The following SLC24A2 variants were observed in gnomAD, a reference collection of about 807,000 sequenced individuals.
The protein encoded by SLC24A2 is solute carrier family 24 member 2.
Under a neutral mutation model 62.0 loss-of-function variants are expected in SLC24A2, and 36 were observed. That is an observed-to-expected ratio of 0.58 (90% CI 0.44 to 0.77). The LOEUF (loss-of-function observed/expected upper bound fraction) is 0.77, where lower values mean the gene tolerates loss of function less well. Among genes scored for constraint, SLC24A2 ranks in the 30% least tolerant of loss-of-function variants. The pLI, the probability that SLC24A2 is intolerant of heterozygous loss-of-function variation, is 0.00. For synonymous variants in SLC24A2, 358 were observed against 294.0 expected, an observed-to-expected ratio of 1.22 and a Z score of -2.23; for missense variants, 846 against 817.9, an observed-to-expected ratio of 1.03 and a Z score of -0.42.
the SLC24A2 span, among the ~76,000 whole-genome samples, chr9:20,072,100 C>T: frequency 6.6e-6 from 1 of 152,098 alleles, no homozygotes; most frequent in African/African-American, 2.4e-5. Flanking sequence ...GCTAAGCTCT[C>T]TGGAAGCTTC....
At chr9:20,198,739 T>TA in the SLC24A2 span, among the ~76,000 whole-genome samples, 1 of 145,886 alleles carries the variant, frequency 6.9e-6, no homozygotes, top group South Asian at 2.3e-4. Context: ...TGCCAATACC[T>TA]AGATACTTAG....
the SLC24A2 span, among the ~76,000 whole-genome samples, chr9:20,089,350 G>C: frequency 2.6e-5 from 4 of 152,094 alleles, no homozygotes; most frequent in African/African-American, 9.7e-5. Context: ...GCCTCTGTCT[G>C]ATCACCACAG....
At chr9:19,851,824 A>C in the SLC24A2 span, among the ~76,000 whole-genome samples, 1 of 152,206 alleles carries the variant, frequency 6.6e-6, no homozygotes, top group African/African-American at 2.4e-5. Flanking sequence ...AGAATTATTT[A>C]TATTCCTTTG....
At chr9:19,700,629 G>T (rs954462378) in intron 2 of SLC24A2, among the ~76,000 whole-genome samples, 3 of 152,020 alleles carry the variant, frequency 2.0e-5, no homozygotes, top group African/African-American at 7.2e-5. Flanking sequence ...TTTCCTTTAG[G>T]GCAGGCAGAG....
At chr9:20,013,545 C>T in the SLC24A2 span, among the ~76,000 whole-genome samples, 1 of 152,146 alleles carries the variant, frequency 6.6e-6, no homozygotes, top group Admixed American at 6.5e-5. Context: ...GGCAACAACG[C>T]AGAAATTGAC....
At chr9:20,122,773 G>C in the SLC24A2 span, among the ~76,000 whole-genome samples, 1 of 152,250 alleles carries the variant, frequency 6.6e-6, no homozygotes, top group Middle Eastern at 3.4e-3. Flanking sequence ...GAAATCATTT[G>C]AAATTAAATC....
the SLC24A2 span, among the ~76,000 whole-genome samples, chr9:20,088,153 A>G: frequency 1.3e-5 from 2 of 152,196 alleles, no homozygotes; most frequent in Non-Finnish European, 2.9e-5. Flanking sequence ...ACCCCCATAC[A>G]TACTCCTAGG....
chr9:20,194,069 A>G, the SLC24A2 span, among the ~76,000 whole-genome samples: 1 of 152,116 alleles, frequency 6.6e-6, no homozygotes, highest in Non-Finnish European at 1.5e-5. Context: ...TCAGAGAAAA[A>G]GATTGAGCTG....
the SLC24A2 span, among the ~76,000 whole-genome samples, chr9:20,096,799 A>C: frequency 6.6e-6 from 1 of 151,996 alleles, no homozygotes; most frequent in African/African-American, 2.4e-5. Context: ...AATTCTTTAC[A>C]AATTTTTTTG....
chr9:19,913,066 T>G, the SLC24A2 span, among the ~76,000 whole-genome samples: 1 of 152,102 alleles, frequency 6.6e-6, no homozygotes, highest in Admixed American at 6.6e-5. Flanking sequence ...ATTGGCTATT[T>G]CTCTATTTTT....
At chr9:20,117,616 T>G in the SLC24A2 span, among the ~76,000 whole-genome samples, 3 of 152,182 alleles carry the variant, frequency 2.0e-5, no homozygotes, top group Non-Finnish European at 4.4e-5. Flanking sequence ...CTTATTATGT[T>G]TGTCGCTTTA....
chr9:19,897,899 G>C, the SLC24A2 span, among the ~76,000 whole-genome samples: 2 of 152,176 alleles, frequency 1.3e-5, no homozygotes, highest in African/African-American at 4.8e-5. Context: ...ACGCACTACA[G>C]TTTATTTTTA....
chr9:19,933,907 C>T, the SLC24A2 span, among the ~76,000 whole-genome samples: 1 of 152,180 alleles, frequency 6.6e-6, no homozygotes, highest in South Asian at 2.1e-4. Flanking sequence ...TGTGAGATTC[C>T]CCAAACAGGC....
the SLC24A2 span, among the ~76,000 whole-genome samples, chr9:19,985,324 C>T: frequency 6.6e-6 from 1 of 152,060 alleles, no homozygotes; most frequent in Non-Finnish European, 1.5e-5. Context: ...AAAAGCCAAA[C>T]ATTAGAAACA....
intron 2 of SLC24A2, among the ~76,000 whole-genome samples, chr9:19,658,543 G>C (rs1819006028): frequency 6.6e-6 from 1 of 152,166 alleles, no homozygotes; most frequent in African/African-American, 2.4e-5. Context: ...ATTATCCCCA[G>C]TTTACAGCCA....
upstream of SLC24A2, among the ~76,000 whole-genome samples, chr9:19,789,908 G>C (rs1472435445): frequency 6.6e-6 from 1 of 152,120 alleles, no homozygotes; most frequent in Non-Finnish European, 1.5e-5. Context: ...ATCCAAGAGG[G>C]TTTCTTCATG....
chr9:20,134,829 A>T, the SLC24A2 span, among the ~76,000 whole-genome samples: 8 of 152,190 alleles, frequency 5.3e-5, no homozygotes, highest in Non-Finnish European at 1.0e-4. Flanking sequence ...ATGGAAAGGT[A>T]TACTTTTTGT....
the SLC24A2 span, among the ~76,000 whole-genome samples, chr9:20,185,112 T>C: frequency 2.6e-5 from 4 of 151,982 alleles, no homozygotes; most frequent in Non-Finnish European, 1.5e-5. Flanking sequence ...TGGGGAGATG[T>C]TGGTCAAAGG....
chr9:20,228,053 A>G, the SLC24A2 span, among the ~76,000 whole-genome samples: 18,202 of 152,008 alleles, frequency 0.12, 2,304 homozygotes, highest in East Asian at 0.6. Context: ...AACAGGTTCT[A>G]TTTTTCCGCA....
Sources: gnomAD v4.1 joint callset for allele counts (sites outside exome capture counted in the v4.1 genomes callset) on GRCh38, gnomAD v4.1.1 for gene constraint, MANE v1.5 for transcripts, NCBI Gene and HGNC (gene_info 2026-07-23, HGNC 2026-07-21) for gene names.